MOK: variants seen among roughly 807,000 people sequenced by gnomAD.
The protein encoded by MOK is MOK protein kinase.
MOK carries 59 observed loss-of-function variants against 54.2 expected under a neutral mutation model. That is an observed-to-expected ratio of 1.09 (90% CI 0.88 to 1.35). The LOEUF (loss-of-function observed/expected upper bound fraction) is 1.35. Among genes scored for constraint, MOK ranks in the 40% most tolerant of loss-of-function variants. The pLI, the probability that MOK is intolerant of heterozygous loss-of-function variation, is 0.00. For synonymous variants in MOK, 210 were observed against 202.7 expected (o/e 1.04, Z -0.31); for missense variants, 517 against 526.2 (o/e 0.98, Z 0.17).
At chr14:102,224,416 G>A (rs978882455), downstream of MOK, 42 of 372,344 alleles carry the variant, frequency 1.1e-4, no homozygotes, top group African/African-American at 6.6e-4. Flanking sequence ...CCTGCTCAGC[G>A]AGTTACTGGA....
downstream of MOK, among the ~76,000 whole-genome samples, chr14:102,221,710 C>T (rs1432982575): frequency 2.6e-5 from 4 of 152,168 alleles, no homozygotes; most frequent in African/African-American, 4.8e-5. The surrounding 1 kb of genome is among the most constrained non-coding windows in gnomAD (Gnocchi z 4.8). Flanking sequence ...TCCAGGCTTC[C>T]GGCAGCAGGG....
chr14:102,259,905 C>T (rs1296241308), intron 4 of MOK, among the ~76,000 whole-genome samples: 3 of 152,026 alleles, frequency 2.0e-5, no homozygotes, highest in Non-Finnish European at 2.9e-5. Context: ...TAGCCAGGCG[C>T]GGTGGCTCAC....
the MOK span, chr14:102,214,870 CTTTG>C: frequency 2.6e-5 from 26 of 981,776 alleles, no homozygotes; most frequent in African/African-American, 3.5e-5. Flanking sequence ...TGTTTCACTG[CTTTG>C]TTTTTTTTTT....
rs747983083 is a variant in MOK at position 102,265,889 on chromosome 14, C to CAA, written c.145_146insTT (p.Arg49LeufsTer7). On this transcript the variant is annotated frameshift_variant, in exon 3 of 12. Transcript: ENST00000361847. LOFTEE classifies it high-confidence loss of function. ...CAGGCGCCTCAGTGCTTGGATCTCT[C>CAA]GTAGGTTGTTGACTTGCTCAATACT... 1 of 1,613,774 alleles carries CAA rather than the reference C, an allele frequency of 6.2e-7. No homozygotes were observed. The highest frequency in any genetic ancestry group is 8.5e-7 in the Non-Finnish European group (1 of 1,179,728).
intron 7 of MOK, among the ~76,000 whole-genome samples, chr14:102,246,739 G>C (rs1240411157): frequency 6.6e-6 from 1 of 152,060 alleles, no homozygotes. Flanking sequence ...GCCTACTTAC[G>C]CAACCTGGCC....
In MOK at chr14:102,232,354, G is replaced by A; in HGVS notation, c.866+181C>T. 1.7e-6 allele frequency: 1 copy of A among 586,442 alleles called. No homozygotes were observed. The highest frequency in any genetic ancestry group is 1.9e-5 in the African/African-American group (1 of 53,264). 36.3% of individuals were successfully genotyped at this position (586,442 alleles called of 1,614,324 possible). ...GCTGCTAACATCCTCATTTTGGGGA[G>A]GATACACCAGAAGGCAGCACGGTGT... On this transcript the variant is annotated intron_variant, in intron 9 of 11. Coordinates refer to ENST00000361847, the MANE Select transcript of MOK (RefSeq NM_014226.3). The surrounding 1 kb of genome is among the most constrained non-coding windows in gnomAD (Gnocchi z 5.1).
Position 102,253,154 on chromosome 14 carries a change from G to A in MOK, c.284-1159C>T, listed in dbSNP as rs566388516. The stretch of plus-strand genomic sequence containing the variant: ...TAAACAATAAACGTTACTGAAGAAT[G>A]ACAGAATTGTTGATAATTTTTTTCC... On this transcript the variant is annotated intron_variant, in intron 4 of 11. Transcript: ENST00000361847. Among the ~76,000 whole-genome samples the A allele has an allele frequency of 2.6e-5, 4 of 152,222 alleles. No individual in the cohort carries two copies. In the South Asian group the frequency reaches 8.3e-4, roughly 32 times the overall value.
intron 2 of MOK, among the ~76,000 whole-genome samples, chr14:102,281,700 C>G (rs929608145): frequency 6.6e-6 from 1 of 151,930 alleles, no homozygotes; most frequent in Non-Finnish European, 1.5e-5. Context: ...CTGCCTCAGC[C>G]TCCCAAGTAG....
Position 102,283,526 on chromosome 14 carries a change from C to T in MOK, c.74G>A (p.Arg25Lys). 1 of 1,612,696 alleles carries T rather than the reference C, an allele frequency of 6.2e-7. No homozygotes were observed. The highest frequency in any genetic ancestry group is 1.7e-4 in the Middle Eastern group (1 of 6,054). ...TTTACATGCATAGTAGTTTCCATCTCTCAGGCTTTGCATCTTCATAACTTC... is the reference window on the plus strand; with the variant it reads ...TTTACATGCATAGTAGTTTCCATCTTTCAGGCTTTGCATCTTCATAACTTC... ...FSEVMKMQSL[R>K]DGNYYACKQM... The change falls in exon 2 of 12, where the codon AGA (arginine) becomes AAA (lysine). Residue 25 changes from arginine to lysine, a missense_variant. Physicochemically the swap from Arg to Lys is conservative, Grantham distance 26. Coordinates refer to ENST00000361847, the MANE Select transcript of MOK (RefSeq NM_014226.3).
intron 1 of MOK, among the ~76,000 whole-genome samples, chr14:102,298,934 G>A (rs1308218102): frequency 6.6e-6 from 1 of 152,132 alleles, no homozygotes. Flanking sequence ...CACCGCGAAG[G>A]TCTGCAGCTT....
At chr14:102,268,386 T>A (rs931151146) in intron 2 of MOK, among the ~76,000 whole-genome samples, 1 of 151,922 alleles carries the variant, frequency 6.6e-6, no homozygotes. Context: ...AAAAAAAATC[T>A]AAAAAAACCT....
chr14:102,253,991 C>CTT (rs113168880), intron 4 of MOK, among the ~76,000 whole-genome samples: 11 of 145,834 alleles, frequency 7.5e-5, no homozygotes, highest in South Asian at 2.2e-4. Flanking sequence ...TTAGCTTTTT[C>CTT]TTTTTTTTTT....
intron 4 of MOK, among the ~76,000 whole-genome samples, chr14:102,255,910 TATG>T (rs1397528774): frequency 6.6e-6 from 1 of 152,154 alleles, no homozygotes; most frequent in African/African-American, 2.4e-5. Context: ...GAATGTCATA[TATG>T]ATACTAATAA....
rs980196167 is a variant in MOK at position 102,270,527 on chromosome 14, G to A, written c.123-4615C>T. The stretch of plus-strand genomic sequence containing the variant: ...AAGGCAGGAGAATCAGTTGGACCTG[G>A]GAGGCAGAGGTTGCAGTGAGGCGAG... On this transcript the variant is annotated intron_variant, in intron 2 of 11. Transcript: ENST00000361847. 2.0e-5 allele frequency among the ~76,000 whole-genome samples: 3 copies of A among 152,214 alleles called. No homozygotes were observed. In the East Asian group the frequency reaches 5.8e-4, roughly 29 times the overall value.
intron 4 of MOK, among the ~76,000 whole-genome samples, chr14:102,256,408 CA>C (rs33921632): frequency 0.29 from 43,513 of 150,290 alleles, 7,721 homozygotes; most frequent in African/African-American, 0.51. Context: ...ACTAAAAATA[CA>C]AAAAAAAATT....
chr14:102,250,837 C>T lies in MOK; in HGVS notation c.565G>A (p.Gly189Ser), dbSNP rs1416580204. 6.8e-6 allele frequency: 11 copies of T among 1,613,786 alleles called. No homozygotes were observed. Among genetic ancestry groups the T allele is most frequent in the African/African-American group, 2.7e-5 (2 of 74,878 alleles). The change falls in exon 7 of 12, where the codon GGC becomes AGC. Residue 189 changes from glycine to serine, a missense_variant. Physicochemically the swap from Gly to Ser is moderately conservative, Grantham distance 56. Coordinates refer to ENST00000361847, the MANE Select transcript of MOK (RefSeq NM_014226.3). Reference sequence around the variant, plus strand: ...CTGGCGATCTCGTAGAACACACAGCCGGCGCTCCACAGGTCCATCTTGTAC... The same window carrying T: ...CTGGCGATCTCGTAGAACACACAGCTGGCGCTCCACAGGTCCATCTTGTAC... ...YTYKMDLWSA[G>S]CVFYEIASLQ...
downstream of MOK, chr14:102,223,159 A>G (rs546230335): frequency 1.2e-5 from 3 of 248,648 alleles, no homozygotes; most frequent in African/African-American, 2.3e-5. Flanking sequence ...AATGTAATTA[A>G]ATTTCATATA....
downstream of MOK, chr14:102,224,527 T>A (rs1219707897): frequency 8.8e-6 from 4 of 454,902 alleles, no homozygotes; most frequent in Non-Finnish European, 1.8e-5. Flanking sequence ...TTTGTGAGAC[T>A]TTAAACCATG....
Position 102,236,750 on chromosome 14 carries a change from C to G in MOK, c.591-2961G>C, listed in dbSNP as rs1288849719. Among the ~76,000 whole-genome samples the G allele has an allele frequency of 6.6e-6, 1 of 152,128 alleles. No homozygotes were observed. The highest frequency in any genetic ancestry group is 1.5e-5 in the Non-Finnish European group (1 of 68,022). ...CCAGTTAAAAGACCTCTCTAAATTTCCCAGCATCCCCAAAAACCCTATCTC... is the reference window on the plus strand; with the variant it reads ...CCAGTTAAAAGACCTCTCTAAATTTGCCAGCATCCCCAAAAACCCTATCTC... On this transcript the variant is annotated intron_variant, in intron 7 of 11. Transcript: ENST00000361847. The surrounding 1 kb of genome is among the most constrained non-coding windows in gnomAD (Gnocchi z 4.5).
Sources: allele counts gnomAD v4.1 joint callset (sites outside exome capture counted in the v4.1 genomes callset), GRCh38; gene constraint gnomAD v4.1.1; non-coding constraint Gnocchi (gnomAD v3.1); transcripts MANE v1.5; gene names NCBI Gene and HGNC (gene_info 2026-07-23, HGNC 2026-07-21).